The following PSMD1 variants were observed in gnomAD, a reference collection of about 807,000 sequenced individuals.
PSMD1 encodes proteasome 26S subunit, non-ATPase 1.
In PSMD1, 18 loss-of-function variants were observed where a neutral mutation model predicts 119.0. The ratio of observed to expected loss-of-function variants is 0.15; its 90% CI spans 0.10 to 0.22. PSMD1 has a LOEUF of 0.22. PSMD1 is among the 10% of genes least tolerant of loss of function. The pLI is 1.00. For synonymous variants in PSMD1, 374 were observed against 396.6 expected (o/e 0.94, Z 0.68); for missense variants, 702 against 1,158.5 (o/e 0.61, Z 5.72).
At position 231,170,469 on chromosome 2, in the gene PSMD1, A is replaced by T; in HGVS notation, c.2716-97A>T. ...CCAGTTTTTCACTTCCAAATCATTT[A>T]AGTAGTTTTAAAGTACCATTTAACA... On this transcript the variant is annotated intron_variant, in intron 23 of 24. Coordinates refer to ENST00000308696, the MANE Select transcript of PSMD1 (RefSeq NM_002807.4). The surrounding 1 kb of genome is among the most constrained non-coding windows in gnomAD (Gnocchi z 4.1). The T allele has an allele frequency of 1.6e-6, 2 of 1,259,458 alleles. No homozygotes were observed. Among genetic ancestry groups the T allele is most frequent in the Non-Finnish European group, 1.1e-6 (1 of 929,328 alleles). 78.0% of individuals were successfully genotyped at this position (1,259,458 alleles called of 1,614,324 possible). A position where few individuals can be genotyped will look rare whatever the true frequency, so the allele number is the denominator to read the frequency against.
At chr2:231,081,721 C>T (rs1694313672) in intron 12 of PSMD1, among the ~76,000 whole-genome samples, 1 of 152,214 alleles carries the variant, frequency 6.6e-6, no homozygotes, top group Admixed American at 6.5e-5. Context: ...CTAATAGAAG[C>T]ATGCTGTGCA....
intron 16 of PSMD1, among the ~76,000 whole-genome samples, chr2:231,088,822 T>C (rs938395999): frequency 6.6e-6 from 1 of 152,152 alleles, no homozygotes; most frequent in Non-Finnish European, 1.5e-5. Flanking sequence ...AAACTAGAAA[T>C]GATAAAGCTT....
chr2:231,057,050 G>C lies in PSMD1; in HGVS notation c.16+9G>C. On this transcript the variant is annotated intron_variant, in intron 1 of 24. Coordinates refer to ENST00000308696, the MANE Select transcript of PSMD1 (RefSeq NM_002807.4). ...CATGATCACCTCGGCCGGTGAGTGC[G>C]GCCCGTAGCCAGCGCCTGGAGGGAG... is the stretch of plus-strand genomic sequence containing the variant. 2 of 1,523,988 alleles carry C rather than the reference G, an allele frequency of 1.3e-6. No individual in the cohort carries two copies. The highest frequency in any genetic ancestry group is 1.8e-6 in the Non-Finnish European group (2 of 1,137,794). The allele number at this position is 1,523,988 out of a possible 1,614,324, so 94.4% of individuals were successfully genotyped here.
At chr2:231,104,788 T>A (rs767705123) in intron 16 of PSMD1, among the ~76,000 whole-genome samples, 15 of 152,172 alleles carry the variant, frequency 9.9e-5, no homozygotes, top group Non-Finnish European at 2.1e-4. Context: ...TAAAACAGCT[T>A]TATTCTTAAT....
intron 17 of PSMD1, among the ~76,000 whole-genome samples, chr2:231,142,246 T>A (rs1696141359): frequency 6.6e-6 from 1 of 152,216 alleles, no homozygotes; most frequent in South Asian, 2.1e-4. Flanking sequence ...ATTTCTTACA[T>A]GAGAATGTAT....
At chr2:231,072,508 A>G (rs1410895823) in intron 7 of PSMD1, 93 bp downstream of exon 7, 2 of 1,214,890 alleles carry the variant, frequency 1.6e-6, no homozygotes, top group African/African-American at 3.0e-5. Flanking sequence ...ATATTCTAAG[A>G]ATAAATTTTG....
chr2:231,168,229 C>G (rs1463163912), intron 23 of PSMD1, among the ~76,000 whole-genome samples: 1 of 152,178 alleles, frequency 6.6e-6, no homozygotes, highest in Non-Finnish European at 1.5e-5. Flanking sequence ...AGTAAAGTTA[C>G]AGCCACAGTG....
chr2:231,078,806 T>TTTTTTTTTTTTTTTTTG, intron 10 of PSMD1, 59 bp downstream of exon 10: 1 of 1,357,848 alleles, frequency 7.4e-7, no homozygotes. Flanking sequence ...TTTTTTTTTT[T>TTTTTTTTTTTTTTTTTG]TTTTTTTTTG....
At chr2:231,167,189 T>G (rs1288085095) in intron 23 of PSMD1, among the ~76,000 whole-genome samples, 2 of 151,760 alleles carry the variant, frequency 1.3e-5, no homozygotes, top group African/African-American at 4.8e-5. Flanking sequence ...ATACCTTTAA[T>G]GCAGTCACTG....
chr2:231,064,397 G>T (rs1693844186), intron 4 of PSMD1, among the ~76,000 whole-genome samples: 1 of 152,260 alleles, frequency 6.6e-6, no homozygotes, highest in African/African-American at 2.4e-5. Flanking sequence ...ATAAACCTGG[G>T]ATATATTTAT....
chr2:231,127,892 T>G (rs1322239942), intron 16 of PSMD1, among the ~76,000 whole-genome samples: 1 of 152,226 alleles, frequency 6.6e-6, no homozygotes, highest in Non-Finnish European at 1.5e-5. Context: ...TCAGATAAAG[T>G]AACTCTTACT....
intron 17 of PSMD1, among the ~76,000 whole-genome samples, chr2:231,141,420 ACTTTT>A (rs1286145804): frequency 5.7e-5 from 8 of 140,960 alleles, no homozygotes; most frequent in African/African-American, 2.2e-4. Context: ...ACCCTGCTAT[ACTTTT>A]TTTTTTTTTT....
chr2:231,166,090 A>G, intron 23 of PSMD1, 73 bp downstream of exon 23: 4 of 1,347,302 alleles, frequency 3.0e-6, no homozygotes, highest in Non-Finnish European at 2.0e-6. Context: ...ATATTGATAG[A>G]GAATGATAAA....
chr2:231,165,168 A>G lies in PSMD1; in HGVS notation c.2482-32A>G, dbSNP rs771668827. The G allele has an allele frequency of 4.5e-6, 7 of 1,558,422 alleles. No individual in the cohort carries two copies. In the South Asian group the frequency reaches 5.9e-5, roughly 13 times the overall value. On this transcript the variant is annotated intron_variant, in intron 21 of 24. Transcript: ENST00000308696. ...TTGCATGTTTGTATGTCAGTAAGGG[A>G]TTACAACAGTTTACCCTGCTCATTT...
At chr2:231,136,204 T>C (rs930571953) in intron 16 of PSMD1, among the ~76,000 whole-genome samples, 3 of 152,238 alleles carry the variant, frequency 2.0e-5, no homozygotes, top group African/African-American at 7.2e-5. Context: ...ATAAATTATA[T>C]TCAGTGTAGG....
chr2:231,062,854 T>C (rs1474627441), intron 4 of PSMD1, among the ~76,000 whole-genome samples, 179 bp downstream of exon 4: 1 of 152,220 alleles, frequency 6.6e-6, no homozygotes. Flanking sequence ...AACTGAGTGC[T>C]GGTTCTCAGT....
At chr2:231,123,000 T>A (rs1695598203) in intron 16 of PSMD1, among the ~76,000 whole-genome samples, 1 of 152,188 alleles carries the variant, frequency 6.6e-6, no homozygotes, top group Non-Finnish European at 1.5e-5. Context: ...ATTTAGTAAT[T>A]CAAAGACCTT....
At chr2:231,109,112 A>G (rs1467234315) in intron 16 of PSMD1, 2 of 1,614,040 alleles carry the variant, frequency 1.2e-6, no homozygotes, top group South Asian at 1.1e-5. Context: ...AGAACCATCC[A>G]GCATTGCCAC....
chr2:231,121,412 G>A (rs528695807), intron 16 of PSMD1, among the ~76,000 whole-genome samples: 14 of 152,104 alleles, frequency 9.2e-5, no homozygotes, highest in African/African-American at 3.4e-4. Flanking sequence ...ACATTTGGAA[G>A]AATGAAATAA....
Sources: allele counts gnomAD v4.1 joint callset (sites outside exome capture counted in the v4.1 genomes callset), GRCh38; gene constraint gnomAD v4.1.1; non-coding constraint Gnocchi (gnomAD v3.1); transcripts MANE v1.5; gene names NCBI Gene and HGNC (gene_info 2026-07-23, HGNC 2026-07-21).